The following SETBP1 variants were observed in gnomAD, a reference collection of about 807,000 sequenced individuals.
SETBP1 encodes the protein SET-binding protein.
In SETBP1, 9 loss-of-function variants were observed where a neutral mutation model predicts 101.0. The ratio of observed to expected loss-of-function variants is 0.09; its 90% CI spans 0.05 to 0.16. The LOEUF is 0.16. Ranked by LOEUF, SETBP1 falls within the 10% of genes least tolerant of loss-of-function variation. The pLI, the probability that SETBP1 is intolerant of heterozygous loss-of-function variation, is 1.00. For synonymous variants in SETBP1, 818 were observed against 788.5 expected, an observed-to-expected ratio of 1.04 and a Z score of -0.63; for missense variants, 1,858 against 2,033.8, an observed-to-expected ratio of 0.91 and a Z score of 1.66.
intron 4 of SETBP1, among the ~76,000 whole-genome samples, chr18:45,015,318 G>A (rs1022699556): frequency 6.6e-6 from 1 of 152,174 alleles, no homozygotes; most frequent in Non-Finnish European, 1.5e-5. Flanking sequence ...CTCACATTTT[G>A]GCCCCAATTC....
At chr18:44,779,434 A>G (rs1316975001) in intron 2 of SETBP1, among the ~76,000 whole-genome samples, 2 of 152,234 alleles carry the variant, frequency 1.3e-5, no homozygotes, top group South Asian at 4.1e-4. Context: ...GTCATGCAGT[A>G]CAGATGTCAA....
chr18:44,875,442 C>T (rs759845548), intron 3 of SETBP1, among the ~76,000 whole-genome samples: 2 of 142,306 alleles, frequency 1.4e-5, no homozygotes, highest in Non-Finnish European at 3.0e-5. Context: ...AGCTTGAACC[C>T]AGAAGGAGGA....
Position 44,966,128 on chromosome 18 carries a change from G to A in SETBP1, c.4000+12788G>A, listed in dbSNP as rs1344326198. Among the ~76,000 whole-genome samples, 3 of 152,310 alleles carry A rather than the reference G, an allele frequency of 2.0e-5. No individual in the cohort carries two copies. In the East Asian group the frequency reaches 5.8e-4, roughly 29 times the overall value. Reference sequence around the variant, plus strand: ...TATTTTTTCATGGAACGCCTATGAAGGCAGCCATAAGTAAATGAATAATTG... The same window carrying A: ...TATTTTTTCATGGAACGCCTATGAAAGCAGCCATAAGTAAATGAATAATTG... On this transcript the variant is annotated intron_variant, in intron 4 of 5. Transcript: ENST00000649279.
At chr18:44,815,654 C>T (rs952036408) in intron 2 of SETBP1, among the ~76,000 whole-genome samples, 1 of 152,216 alleles carries the variant, frequency 6.6e-6, no homozygotes, top group East Asian at 1.9e-4. Flanking sequence ...TGATAGGACT[C>T]ATGTATTAAC....
intron 2 of SETBP1, among the ~76,000 whole-genome samples, chr18:44,840,448 A>G (rs1267024738): frequency 6.6e-6 from 1 of 152,178 alleles, no homozygotes; most frequent in Non-Finnish European, 1.5e-5. Context: ...AACTCTCTTC[A>G]TGCAGTGGGA....
chr18:44,925,036 C>G (rs1283442075), intron 3 of SETBP1, among the ~76,000 whole-genome samples: 1 of 42,390 alleles, frequency 2.4e-5, no homozygotes, highest in East Asian at 8.5e-4. Flanking sequence ...TTTTTTTTTT[C>G]ACGAGAATGA....
chr18:44,847,003 G>T (rs953124148), intron 2 of SETBP1, among the ~76,000 whole-genome samples: 1 of 152,144 alleles, frequency 6.6e-6, no homozygotes, highest in Non-Finnish European at 1.5e-5. Flanking sequence ...TCCCGGTCAC[G>T]CAAAGAAACG....
intron 2 of SETBP1, among the ~76,000 whole-genome samples, chr18:44,762,698 G>A (rs2070681859): frequency 6.6e-6 from 1 of 152,214 alleles, no homozygotes; most frequent in Non-Finnish European, 1.5e-5. Context: ...TGTCTGGGGT[G>A]AAAAAGCCAA....
chr18:45,004,335 G>T (rs1568022392), intron 4 of SETBP1, among the ~76,000 whole-genome samples: 2 of 152,144 alleles, frequency 1.3e-5, no homozygotes, highest in Non-Finnish European at 1.5e-5. Flanking sequence ...TTTTTACACC[G>T]ATGGTTGGCG....
chr18:44,940,635 G>A (rs1376190034), intron 3 of SETBP1, among the ~76,000 whole-genome samples: 4 of 152,130 alleles, frequency 2.6e-5, no homozygotes, highest in African/African-American at 9.7e-5. Flanking sequence ...GATTACGAAT[G>A]TATACCTCTA....
At chr18:44,882,951 G>T (rs1226490316) in intron 3 of SETBP1, among the ~76,000 whole-genome samples, 1 of 152,132 alleles carries the variant, frequency 6.6e-6, no homozygotes, top group Non-Finnish European at 1.5e-5. Context: ...AAGAGGCAGA[G>T]CTTGTCTCCT....
At chr18:44,738,049 T>A (rs1005794901) in intron 2 of SETBP1, among the ~76,000 whole-genome samples, 7 of 152,222 alleles carry the variant, frequency 4.6e-5, no homozygotes, top group African/African-American at 1.7e-4. Context: ...CATGTGCAGA[T>A]CCACATGGTC....
At chr18:44,703,197 A>G (rs2069147809) in intron 2 of SETBP1, among the ~76,000 whole-genome samples, 1 of 152,036 alleles carries the variant, frequency 6.6e-6, no homozygotes, top group Non-Finnish European at 1.5e-5. Flanking sequence ...TCTAGGTTGT[A>G]GGTGTTAATC....
At chr18:44,795,300 T>C (rs564918328) in intron 2 of SETBP1, among the ~76,000 whole-genome samples, 113 of 152,330 alleles carry the variant, frequency 7.4e-4, no homozygotes, top group African/African-American at 2.4e-3. Flanking sequence ...AGGTTCCTTT[T>C]AGATCCTCAT....
At chr18:44,707,306 C>G (rs2069242811) in intron 2 of SETBP1, among the ~76,000 whole-genome samples, 1 of 152,222 alleles carries the variant, frequency 6.6e-6, no homozygotes, top group African/African-American at 2.4e-5. Context: ...TTCCCTAATT[C>G]TAAGTTTTCC....
Position 44,899,344 on chromosome 18 carries a change from G to A in SETBP1, c.540+30061G>A, listed in dbSNP as rs1436099842. Reference sequence around the variant, plus strand: ...AAACTTTTTTGGGGAATAGAGAGAGGCATTCCTCCCCAAAGGAGATCATAA... The same window carrying A: ...AAACTTTTTTGGGGAATAGAGAGAGACATTCCTCCCCAAAGGAGATCATAA... On this transcript the variant is annotated intron_variant, in intron 3 of 5. Transcript: ENST00000649279. Among the ~76,000 whole-genome samples, 14 of 152,250 alleles carry A rather than the reference G, an allele frequency of 9.2e-5. No individual in the cohort carries two copies. In the East Asian group the frequency reaches 2.5e-3, roughly 27 times the overall value.
intron 2 of SETBP1, among the ~76,000 whole-genome samples, chr18:44,836,596 G>GT (rs933445440): frequency 3.9e-5 from 6 of 152,156 alleles, no homozygotes; most frequent in African/African-American, 1.2e-4. Context: ...ACAACCATGG[G>GT]TTGCCCACTT....
intron 2 of SETBP1, among the ~76,000 whole-genome samples, chr18:44,782,055 G>T (rs1433946876): frequency 6.6e-6 from 1 of 152,174 alleles, no homozygotes; most frequent in South Asian, 2.1e-4. Context: ...CTTCTGGTCT[G>T]GGGATTAGGG....
intron 2 of SETBP1, among the ~76,000 whole-genome samples, chr18:44,781,045 C>T (rs1011536031): frequency 2.6e-5 from 4 of 152,058 alleles, no homozygotes; most frequent in African/African-American, 9.7e-5. Flanking sequence ...ATATGTCAGG[C>T]CTGGGTCAAG....
Sources: allele counts gnomAD v4.1 joint callset (sites outside exome capture counted in the v4.1 genomes callset), GRCh38; gene constraint gnomAD v4.1.1; transcripts MANE v1.5; gene names NCBI Gene and HGNC (gene_info 2026-07-23, HGNC 2026-07-21).